The following PIP5K1C variants were observed in gnomAD, a reference collection of about 807,000 sequenced individuals.
The protein encoded by PIP5K1C is phosphatidylinositol 4-phosphate 5-kinase type-1 gamma.
PIP5K1C carries 45 observed loss-of-function variants against 80.1 expected under a neutral mutation model. The observed-to-expected ratio is 0.56, with a 90% CI of 0.44 to 0.72. The LOEUF (loss-of-function observed/expected upper bound fraction) is 0.72, where lower values mean the gene tolerates loss of function less well. Among genes scored for constraint, PIP5K1C ranks in the 30% least tolerant of loss-of-function variants. The probability of loss-of-function intolerance (pLI) is 0.00; values close to 1 mark genes in which losing one functional copy is unlikely to be tolerated. For synonymous variants in PIP5K1C, 498 were observed against 420.1 expected, an observed-to-expected ratio of 1.19 and a Z score of -2.27; for missense variants, 753 against 954.6, an observed-to-expected ratio of 0.79 and a Z score of 2.78.
Position 3,648,614 on chromosome 19 carries a change from C to G in PIP5K1C, c.1211+11G>C. The G allele has an allele frequency of 1.2e-6, 2 of 1,611,108 alleles. No individual in the cohort carries two copies. Among genetic ancestry groups the G allele is most frequent in the Non-Finnish European group, 1.7e-6 (2 of 1,178,458 alleles). On this transcript the variant is annotated intron_variant, in intron 9 of 17. Coordinates refer to ENST00000335312, the MANE Select transcript of PIP5K1C (RefSeq NM_012398.3). This position sits in a 1 kb window ranked among gnomAD's most constrained non-coding sequence, Gnocchi z 4.3. The stretch of plus-strand genomic sequence containing the variant: ...GCGTCCACCTGTAGGACTGCAGACC[C>G]GGGCACCCACCTGTAGGACTGCAGG...
At chr19:3,691,334 C>T (rs28378253) in intron 1 of PIP5K1C, among the ~76,000 whole-genome samples, 1,972 of 152,262 alleles carry the variant, frequency 0.013, 55 homozygotes, top group African/African-American at 0.045. Flanking sequence ...TTGGGGGCCT[C>T]GCTAATCTGG....
At chr19:3,644,392 A>C in intron 11 of PIP5K1C, 141 bp from the exon 12 acceptor site, 2 of 821,444 alleles carry the variant, frequency 2.4e-6, no homozygotes, top group Non-Finnish European at 1.9e-6. Context: ...AAGCACCACA[A>C]CCTCTTGGTG....
At chr19:3,677,969 TGGA>T (rs2035427770) in intron 1 of PIP5K1C, among the ~76,000 whole-genome samples, 1 of 60,692 alleles carries the variant, frequency 1.6e-5, no homozygotes, top group Non-Finnish European at 3.3e-5. Context: ...GGATGGAGGA[TGGA>T]GGAATAGAGG....
chr19:3,642,920 C>G lies in PIP5K1C; in HGVS notation c.1669G>C (p.Gly557Arg), dbSNP rs762162884. 21 of 1,613,414 alleles carry G rather than the reference C, an allele frequency of 1.3e-5. No individual in the cohort carries two copies. The East Asian group carries it at 4.5e-4, about 34-fold the overall frequency. The change falls in exon 14 of 18, where the codon GGA (glycine) becomes CGA (arginine). Residue 557 changes from glycine (G) to arginine (R), a missense_variant. This residue lies in a region of PIP5K1C where 315 missense variants were observed against 294.5 expected (regional missense o/e 1.07). Transcript: ENST00000335312. ...GTTGGGTCTCACCTGCCATCCTGTC[C>G]AGACGACTGTGTGCGCCGCCTGCAG... ...PRYRRRTQSS[G>R]QDGRPQEEPP...
In PIP5K1C at chr19:3,637,933, TA is replaced by T; in HGVS notation, c.1920+950del. ...AAAAGGGGTGACGACGTGCGGTGGG[TA>T]GGGGCACAGGCACGCGGCCCGTCCC... On this transcript the variant is annotated intron_variant, in intron 16 of 17. Transcript: ENST00000335312. The surrounding 1 kb of genome is among the most constrained non-coding windows in gnomAD (Gnocchi z 7.0). 1 of 1,534,986 alleles carries T rather than the reference TA, an allele frequency of 6.5e-7. No individual in the cohort carries two copies. Among genetic ancestry groups the T allele is most frequent in the Non-Finnish European group, 8.7e-7 (1 of 1,146,664 alleles).
chr19:3,666,238 G>A (rs1180764213), intron 2 of PIP5K1C, among the ~76,000 whole-genome samples: 3 of 152,220 alleles, frequency 2.0e-5, no homozygotes, highest in Admixed American at 6.5e-5. Context: ...CTGTGAATGG[G>A]GCTCATGGAC....
chr19:3,653,092 T>C (rs1328905287), intron 7 of PIP5K1C, among the ~76,000 whole-genome samples, 198 bp downstream of exon 7: 1 of 152,362 alleles, frequency 6.6e-6, no homozygotes, highest in East Asian at 1.9e-4. Flanking sequence ...CGTGAGCCAC[T>C]GTGTCCGGCC....
rs1285622255 is a variant in PIP5K1C at position 3,639,084 on chromosome 19, T to A, written c.1788-68A>T. 1.1e-5 allele frequency: 18 copies of A among 1,569,982 alleles called. No homozygotes were observed. The East Asian group carries it at 3.4e-4, about 29-fold the overall frequency. On this transcript the variant is annotated intron_variant, in intron 15 of 17. Transcript: ENST00000335312. ...ACACGGAGACTCCCCGCGCCCCCAC[T>A]CAGGACCCAGGCAGGGGCTTCATAC...
chr19:3,696,759 G>A lies in PIP5K1C; in HGVS notation c.94+3538C>T, dbSNP rs1220884842. 2.0e-5 allele frequency among the ~76,000 whole-genome samples: 3 copies of A among 151,848 alleles called. No homozygotes were observed. The highest frequency in any genetic ancestry group is 7.3e-5 in the African/African-American group (3 of 41,320). On this transcript the variant is annotated intron_variant, in intron 1 of 17. Coordinates refer to ENST00000335312, the MANE Select transcript of PIP5K1C (RefSeq NM_012398.3). This position sits in a 1 kb window ranked among gnomAD's most constrained non-coding sequence, Gnocchi z 4.1. ...AGGGGAGGGCAGGGAGGGCAGGGAG[G>A]GCCCGGGGCAGGCTGTGCAGGGCCT...
Position 3,662,056 on chromosome 19 carries a change from C to T in PIP5K1C, c.220-55G>A, listed in dbSNP as rs770028906. The T allele has an allele frequency of 8.5e-6, 13 of 1,536,506 alleles. No homozygotes were observed. The Admixed American group carries it at 2.5e-4, about 30-fold the overall frequency. ...CGGCTGCTCCCCACGCTGCCCTGCA[C>T]CCCCTGTGTGCACCGGGGGGTGGAG... On this transcript the variant is annotated intron_variant, in intron 3 of 17. Transcript: ENST00000335312.
At chr19:3,672,955 G>C (rs1270391016) in intron 1 of PIP5K1C, among the ~76,000 whole-genome samples, 1 of 150,446 alleles carries the variant, frequency 6.6e-6, no homozygotes. Flanking sequence ...CTGGGGACTG[G>C]GGGGCTGGGG....
At chr19:3,653,064 A>G (rs1030318468) in intron 7 of PIP5K1C, among the ~76,000 whole-genome samples, 1 of 152,182 alleles carries the variant, frequency 6.6e-6, no homozygotes, top group Non-Finnish European at 1.5e-5. Context: ...CTGCCTCCCA[A>G]AGAGCTGGGA....
chr19:3,680,868 G>A (rs1236957782), intron 1 of PIP5K1C, among the ~76,000 whole-genome samples: 3 of 152,154 alleles, frequency 2.0e-5, no homozygotes. Context: ...GCCCTCCAGG[G>A]CACACTGGTT....
chr19:3,694,568 C>T (rs2036043311), intron 1 of PIP5K1C, among the ~76,000 whole-genome samples: 1 of 152,282 alleles, frequency 6.6e-6, no homozygotes, highest in Non-Finnish European at 1.5e-5. Context: ...GGACCATCCC[C>T]CACCAGGCGC....
intron 15 of PIP5K1C, among the ~76,000 whole-genome samples, chr19:3,639,498 C>A (rs2033869356): frequency 1.3e-5 from 2 of 152,218 alleles, no homozygotes. Flanking sequence ...GTGCTGTCAT[C>A]ACGGCTCACT....
At chr19:3,657,237 C>T (rs2034663285) in intron 5 of PIP5K1C, among the ~76,000 whole-genome samples, 2 of 152,178 alleles carry the variant, frequency 1.3e-5, no homozygotes, top group African/African-American at 2.4e-5. Flanking sequence ...TGCCCCCACG[C>T]CCTCTCCTGG....
intron 2 of PIP5K1C, 34 bp downstream of exon 2, chr19:3,667,288 G>A (rs2035043834): frequency 1.9e-6 from 3 of 1,600,634 alleles, no homozygotes; most frequent in South Asian, 2.2e-5. Context: ...TCAGGGTGGG[G>A]ACCCCAGGCC....
At chr19:3,664,075 A>G (rs1457639313) in intron 3 of PIP5K1C, among the ~76,000 whole-genome samples, 1 of 152,220 alleles carries the variant, frequency 6.6e-6, no homozygotes, top group Non-Finnish European at 1.5e-5. Flanking sequence ...CCCCAGTGCG[A>G]ATGAACCCTG....
rs140112997 is a variant in PIP5K1C at position 3,640,848 on chromosome 19, G to A, written c.1787+857C>T. Among the ~76,000 whole-genome samples the A allele has an allele frequency of 3.8e-3, 580 of 151,652 alleles. 8 individuals carry two copies. Among genetic ancestry groups the A allele is most frequent in the African/African-American group, 0.013 (541 of 41,412 alleles). On this transcript the variant is annotated intron_variant, in intron 15 of 17. Transcript: ENST00000335312. ...CCGACAGGTGTCCACCACCACGCCC[G>A]GCTAATTTTTGCTATTTTTTAGTAG... is the stretch of plus-strand genomic sequence containing the variant.
Sources: gnomAD v4.1 joint callset for allele counts (sites outside exome capture counted in the v4.1 genomes callset) on GRCh38, gnomAD v4.1.1 for gene constraint, gnomAD v4.1.1 regional missense constraint, Gnocchi (gnomAD v3.1) non-coding constraint, MANE v1.5 for transcripts, NCBI Gene and HGNC (gene_info 2026-07-23, HGNC 2026-07-21) for gene names.